The following MSRA variants were observed in gnomAD, a reference collection of about 807,000 sequenced individuals.
MSRA encodes the protein mitochondrial peptide methionine sulfoxide reductase.
MSRA carries 54 observed loss-of-function variants against 31.3 expected under a neutral mutation model. The ratio of observed to expected loss-of-function variants is 1.73; its 90% confidence interval spans 1.39 to 2.17. The LOEUF is 2.17. Ranked by LOEUF, MSRA falls within the 30% of genes most tolerant of loss-of-function variation. The probability of loss-of-function intolerance (pLI) is 0.00; values close to 1 mark genes in which losing one functional copy is unlikely to be tolerated. For synonymous variants in MSRA, 169 were observed against 116.5 expected, an observed-to-expected ratio of 1.45 and a Z score of -2.90; for missense variants, 507 against 300.9, an observed-to-expected ratio of 1.69 and a Z score of -5.07.
At chr8:10,183,765 A>C (rs890208089) in intron 1 of MSRA, among the ~76,000 whole-genome samples, 4 of 146,700 alleles carry the variant, frequency 2.7e-5, no homozygotes, top group Non-Finnish European at 6.0e-5. Context: ...CAGGGTGACA[A>C]GCTGAGCTGG....
At chr8:10,179,558 A>C (rs1806359550) in intron 1 of MSRA, among the ~76,000 whole-genome samples, 1 of 152,112 alleles carries the variant, frequency 6.6e-6, no homozygotes, top group South Asian at 2.1e-4. Flanking sequence ...CTTTCTCCCT[A>C]ATGTCTGGCA....
At chr8:10,283,434 T>C (rs985919730) in intron 3 of MSRA, among the ~76,000 whole-genome samples, 1 of 151,938 alleles carries the variant, frequency 6.6e-6, no homozygotes. Flanking sequence ...TGCTTTTCTT[T>C]TTTAAAAAAA....
intron 1 of MSRA, among the ~76,000 whole-genome samples, chr8:10,179,460 T>C (rs1008631255): frequency 1.3e-5 from 2 of 152,238 alleles, no homozygotes; most frequent in Non-Finnish European, 2.9e-5. Flanking sequence ...ATATTGCATC[T>C]GTGTATTTCA....
intron 1 of MSRA, among the ~76,000 whole-genome samples, chr8:10,080,494 C>G (rs747693509): frequency 2.6e-5 from 4 of 151,986 alleles, no homozygotes; most frequent in Non-Finnish European, 5.9e-5. Flanking sequence ...TGTGGACTGT[C>G]AGTTCTGTGT....
intron 1 of MSRA, among the ~76,000 whole-genome samples, chr8:10,120,403 G>A (rs988325498): frequency 6.6e-6 from 1 of 152,120 alleles, no homozygotes. Flanking sequence ...ATCCGTGTCT[G>A]GTTTCTGACA....
intron 1 of MSRA, among the ~76,000 whole-genome samples, chr8:10,068,656 A>G (rs974586016): frequency 3.3e-5 from 5 of 152,154 alleles, no homozygotes; most frequent in African/African-American, 9.7e-5. Context: ...ATTATGATCC[A>G]TTTGTCAGAA....
intron 4 of MSRA, among the ~76,000 whole-genome samples, chr8:10,311,371 A>G (rs546355814): frequency 6.6e-6 from 1 of 152,328 alleles, no homozygotes; most frequent in East Asian, 1.9e-4. Flanking sequence ...TGTTAATCCC[A>G]GAAAATGCGA....
intron 2 of MSRA, among the ~76,000 whole-genome samples, chr8:10,214,376 A>G (rs1006397678): frequency 4.6e-5 from 7 of 152,144 alleles, no homozygotes; most frequent in Admixed American, 1.3e-4. Context: ...CCTGTCTGAC[A>G]TGAATGGGAG....
intron 1 of MSRA, among the ~76,000 whole-genome samples, chr8:10,109,542 A>G (rs910038397): frequency 2.6e-5 from 4 of 151,944 alleles, no homozygotes; most frequent in Admixed American, 2.0e-4. Flanking sequence ...CGGTTTTACC[A>G]TGTTGCCCAG....
chr8:10,229,460 G>T (rs1437074651), intron 2 of MSRA, among the ~76,000 whole-genome samples: 1 of 152,144 alleles, frequency 6.6e-6, no homozygotes, highest in Non-Finnish European at 1.5e-5. Flanking sequence ...CTGGGGGCCG[G>T]CTCTGAGGCT....
chr8:10,230,695 G>C (rs961938698), intron 2 of MSRA, among the ~76,000 whole-genome samples: 1 of 152,142 alleles, frequency 6.6e-6, no homozygotes, highest in Non-Finnish European at 1.5e-5. Flanking sequence ...AGAGCAAAAA[G>C]AAGAACATAA....
intron 1 of MSRA, among the ~76,000 whole-genome samples, chr8:10,156,870 A>G (rs1403841863): frequency 2.8e-5 from 4 of 141,458 alleles, no homozygotes; most frequent in Non-Finnish European, 4.5e-5. Context: ...AGTCAAGTCT[A>G]TAATCAAAAT....
chr8:10,355,098 A>G (rs560819174), intron 5 of MSRA, among the ~76,000 whole-genome samples: 45 of 152,324 alleles, frequency 3.0e-4, no homozygotes, highest in Middle Eastern at 3.4e-3. Context: ...GTGGTAGCCC[A>G]TAACTCTTTA....
chr8:10,207,282 C>T (rs1197708876), intron 1 of MSRA, among the ~76,000 whole-genome samples: 1 of 152,180 alleles, frequency 6.6e-6, no homozygotes, highest in African/African-American at 2.4e-5. Flanking sequence ...GAATATCTCT[C>T]TGGCTCTTAA....
At chr8:10,178,550 G>T (rs1322043169) in intron 1 of MSRA, among the ~76,000 whole-genome samples, 1 of 152,154 alleles carries the variant, frequency 6.6e-6, no homozygotes, top group African/African-American at 2.4e-5. Flanking sequence ...AGAGTTATAA[G>T]TGCAGCGATG....
rs74350685 is a variant in MSRA, at chr8:10,195,726, A to G, written c.143-12107A>G. Among the ~76,000 whole-genome samples the G allele has an allele frequency of 2.0e-3, 312 of 152,326 alleles. 10 individuals carry two copies. The East Asian group carries it at 0.057, about 28-fold the overall frequency. ...ATTCCTCTTTTCTTCTTAAAGTCAC[A>G]TATTTAGCTATCTCCTTCATCTCTC... On this transcript the variant is annotated intron_variant, in intron 1 of 5. Coordinates refer to ENST00000317173, the MANE Select transcript of MSRA (RefSeq NM_012331.5).
chr8:10,171,162 G>A (rs1191241195), intron 1 of MSRA, among the ~76,000 whole-genome samples: 2 of 152,188 alleles, frequency 1.3e-5, no homozygotes, highest in East Asian at 3.9e-4. Flanking sequence ...TTTGCTGAAT[G>A]GTAGAGAAAG....
intron 1 of MSRA, 73 bp downstream of exon 1, chr8:10,054,731 C>T (rs960671104): frequency 3.0e-5 from 41 of 1,380,524 alleles, no homozygotes; most frequent in Non-Finnish European, 3.6e-5. Context: ...GGCAGCGCGC[C>T]CGCTGCCCGG....
chr8:10,345,565 A>C (rs193146944), intron 5 of MSRA, among the ~76,000 whole-genome samples: 1 of 152,238 alleles, frequency 6.6e-6, no homozygotes, highest in African/African-American at 2.4e-5. Context: ...AGAATCTTCA[A>C]AGTGGTAGAG....
Sources: gnomAD v4.1 joint callset for allele counts (sites outside exome capture counted in the v4.1 genomes callset) on GRCh38, gnomAD v4.1.1 for gene constraint, MANE v1.5 for transcripts, NCBI Gene and HGNC (gene_info 2026-07-23, HGNC 2026-07-21) for gene names.